Variants in DAB2 observed in about 807,000 individuals in gnomAD.
DAB2 encodes disabled homolog 2.
DAB2 carries 28 observed loss-of-function variants against 71.6 expected under a neutral mutation model. That is an observed-to-expected ratio of 0.39 (90% CI 0.29 to 0.54). The LOEUF is 0.54. Among genes scored for constraint, DAB2 ranks in the 20% least tolerant of loss-of-function variants. The probability of loss-of-function intolerance (pLI) is 0.68; values close to 1 mark genes in which losing one functional copy is unlikely to be tolerated. For missense variants in DAB2, 867 were observed against 928.8 expected (o/e 0.93, Z 0.86); for synonymous variants, 345 against 339.7 (o/e 1.02, Z -0.17).
rs151215402 is a variant in DAB2 at position 39,377,144 on chromosome 5, G to A, written c.1643C>T (p.Thr548Ile). 9.3e-6 allele frequency: 15 copies of A among 1,614,132 alleles called. No individual in the cohort carries two copies. The East Asian group carries it at 3.1e-4, about 34-fold the overall frequency. ...SGFSQPVIFG[T>I]SPAVSGWNQP... ...GTTCCAACCTGAAACAGCTGGACTT[G>A]TACCAAAAATGACGGGCTGACTAAA... Residue 548 changes from threonine (T) to isoleucine (I), a missense_variant, in exon 12 of 15, where the codon ACA becomes ATA. Physicochemically the swap from Thr to Ile is moderately conservative, Grantham distance 89. Transcript: ENST00000320816.
At chr5:39,379,742 G>A (rs1253187301) in intron 11 of DAB2, among the ~76,000 whole-genome samples, 1 of 151,544 alleles carries the variant, frequency 6.6e-6, no homozygotes, top group East Asian at 1.9e-4. Context: ...GTTCTCCAGG[G>A]GAGACAGTCC....
intron 1 of DAB2, among the ~76,000 whole-genome samples, chr5:39,401,971 G>A (rs552800664): frequency 2.3e-4 from 35 of 152,140 alleles, no homozygotes; most frequent in Middle Eastern, 3.4e-3. Flanking sequence ...AGGTTTAACG[G>A]ACTCACAGTT....
At chr5:39,416,023 C>T (rs1183025640) in intron 1 of DAB2, among the ~76,000 whole-genome samples, 1 of 151,918 alleles carries the variant, frequency 6.6e-6, no homozygotes, top group African/African-American at 2.4e-5. Flanking sequence ...TTCATAATTA[C>T]CCTTTATTTT....
At chr5:39,381,739 C>T (rs1052760375) in intron 10 of DAB2, 123 bp from the exon 11 acceptor site, 1 of 962,522 alleles carries the variant, frequency 1.0e-6, no homozygotes, top group Non-Finnish European at 1.5e-6. Context: ...TTTTTCTTGA[C>T]AGATGAACAA....
chr5:39,411,161 T>C (rs1175849143), intron 1 of DAB2, among the ~76,000 whole-genome samples: 2 of 152,168 alleles, frequency 1.3e-5, no homozygotes, highest in African/African-American at 4.8e-5. Flanking sequence ...AAATGACACT[T>C]AGCTGAGTGT....
chr5:39,381,356 T>C (rs769905338), intron 11 of DAB2, 98 bp downstream of exon 11: 30 of 1,264,702 alleles, frequency 2.4e-5, no homozygotes, highest in Non-Finnish European at 3.3e-5. Context: ...AATCTTATGC[T>C]GTAAAACCCT....
chr5:39,376,603 A>G (rs752968955), intron 12 of DAB2, 47 bp downstream of exon 12: 25 of 1,591,990 alleles, frequency 1.6e-5, no homozygotes, highest in Non-Finnish European at 2.1e-5. Flanking sequence ...TCCATGTGGC[A>G]GTGGAGATAG....
In DAB2 at chr5:39,373,210, C is replaced by A. The variant is rs1754742636; in HGVS notation, c.*221G>T. 7 of 152,198 alleles carry A rather than the reference C, an allele frequency of 4.6e-5. No individual in the cohort carries two copies. 9.4% of individuals were successfully genotyped at this position (152,198 alleles called of 1,614,324 possible). On this transcript the variant is annotated 3_prime_UTR_variant, in exon 15 of 15. Coordinates refer to ENST00000320816, the MANE Select transcript of DAB2 (RefSeq NM_001343.4). ...ACACTTAAGCTAGAGAGTTTAGGATCTTAATTTATTTAAAGCCATAGATTC... is the reference window on the plus strand; with the variant it reads ...ACACTTAAGCTAGAGAGTTTAGGATATTAATTTATTTAAAGCCATAGATTC...
chr5:39,380,052 A>G (rs1754942589), intron 11 of DAB2, among the ~76,000 whole-genome samples: 1 of 152,200 alleles, frequency 6.6e-6, no homozygotes, highest in Admixed American at 6.5e-5. Context: ...AAGCTCTGTG[A>G]TGTGATCTCG....
intron 13 of DAB2, among the ~76,000 whole-genome samples, chr5:39,375,501 T>C (rs551468921): frequency 6.6e-6 from 1 of 152,346 alleles, no homozygotes; most frequent in South Asian, 2.1e-4. Flanking sequence ...ATAATAGTTC[T>C]TGTGCAAATA....
intron 1 of DAB2, among the ~76,000 whole-genome samples, chr5:39,398,802 G>A (rs1195476768): frequency 6.6e-6 from 1 of 152,214 alleles, no homozygotes; most frequent in Non-Finnish European, 1.5e-5. Flanking sequence ...CCCCATCATA[G>A]ACTTGTCAAA....
In DAB2 at chr5:39,390,494, A is replaced by C. The variant is rs1579909659; in HGVS notation, c.412T>G (p.Cys138Gly). The C allele has an allele frequency of 6.2e-7, 1 of 1,614,106 alleles. No individual in the cohort carries two copies. Among genetic ancestry groups the C allele is most frequent in the East Asian group, 2.2e-5 (1 of 44,870 alleles). Reference sequence around the variant, plus strand: ...AACTGATGCTGGCCTTCTCCTCCACACACGTAACCAAATGCCCGGTTGTCT... The same window carrying C: ...AACTGATGCTGGCCTTCTCCTCCACCCACGTAACCAAATGCCCGGTTGTCT... The part of the protein sequence containing the change: ...VTDNRAFGYV[C>G]GGEGQHQFFA... Residue 138 changes from cysteine (C) to glycine (G), a missense_variant, in exon 5 of 15, where the codon TGT becomes GGT. This residue lies in a region of DAB2 where 127 missense variants were observed against 194.4 expected (regional missense o/e 0.65). Transcript: ENST00000320816.
At chr5:39,395,326 C>A (rs545030245) in intron 1 of DAB2, among the ~76,000 whole-genome samples, 1 of 152,140 alleles carries the variant, frequency 6.6e-6, no homozygotes, top group Non-Finnish European at 1.5e-5. Flanking sequence ...GTTTTGTAAT[C>A]GTGTTAAGAC....
chr5:39,393,295 T>A lies in DAB2; in HGVS notation c.190A>T (p.Arg64Ter). 6.2e-7 allele frequency: 1 copy of A among 1,614,096 alleles called. No individual in the cohort carries two copies. The highest frequency in any genetic ancestry group is 8.5e-7 in the Non-Finnish European group (1 of 1,179,970). ...LIGIDDVPDA[R>*]GDKMSQDSMM... ...GAGTCTTGGCTCATTTTATCCCCTC[T>A]TGCATCTGGCACATCATCAATGCCA... Residue 64 changes from arginine to a stop codon, truncating the protein, a stop_gained, in exon 3 of 15, where the codon AGA becomes TGA. Transcript: ENST00000320816. LOFTEE classifies it high-confidence loss of function.
intron 5 of DAB2, 80 bp from the exon 6 acceptor site, chr5:39,390,012 T>C: frequency 1.9e-6 from 2 of 1,068,518 alleles, no homozygotes; most frequent in East Asian, 2.7e-5. Context: ...TTATAATTCA[T>C]ACTGGGATTT....
In DAB2 at chr5:39,388,168, A is replaced by C. The variant is rs1755141114; in HGVS notation, c.687+137T>G. 9.0e-6 allele frequency: 6 copies of C among 665,100 alleles called. No individual in the cohort carries two copies. In the South Asian group the frequency reaches 1.1e-4, roughly 12 times the overall value. The allele number at this position is 665,100 out of a possible 1,614,324, so 41.2% of individuals were successfully genotyped here. On this transcript the variant is annotated intron_variant, in intron 9 of 14. Coordinates refer to ENST00000320816, the MANE Select transcript of DAB2 (RefSeq NM_001343.4). ...GACTTAAGATTCACATTTATTCTAAAAACCATTGACACTTCATTTGCAAAA... is the reference window on the plus strand; with the variant it reads ...GACTTAAGATTCACATTTATTCTAACAACCATTGACACTTCATTTGCAAAA...
At chr5:39,417,293 T>C (rs1195176473) in intron 1 of DAB2, 2 of 124,098 alleles carry the variant, frequency 1.6e-5, no homozygotes, top group East Asian at 2.0e-4. Context: ...ATCTAAAGTA[T>C]AAAAATAAAA....
chr5:39,417,349 T>C (rs1755871977), intron 1 of DAB2: 1 of 151,880 alleles, frequency 6.6e-6, no homozygotes, highest in Admixed American at 6.6e-5. Flanking sequence ...CTCAGTATAA[T>C]TCATCCCTAC....
intron 1 of DAB2, among the ~76,000 whole-genome samples, chr5:39,395,400 C>T (rs200123920): frequency 2.6e-5 from 4 of 152,310 alleles, no homozygotes; most frequent in East Asian, 3.9e-4. Flanking sequence ...CTCTTCATTC[C>T]GTGCCTATAC....
Sources: allele counts gnomAD v4.1 joint callset (sites outside exome capture counted in the v4.1 genomes callset), GRCh38; gene constraint gnomAD v4.1.1; regional missense constraint gnomAD v4.1.1; transcripts MANE v1.5; gene names NCBI Gene and HGNC (gene_info 2026-07-23, HGNC 2026-07-21).